CNTN5: variants seen among roughly 807,000 people sequenced by gnomAD.
CNTN5 encodes the protein contactin-5.
CNTN5 carries 77 observed loss-of-function variants against 129.1 expected under a neutral mutation model. The ratio of observed to expected loss-of-function variants is 0.60; its 90% CI spans 0.50 to 0.72. The LOEUF is 0.72. Among genes scored for constraint, CNTN5 ranks in the 30% least tolerant of loss-of-function variants. The probability of loss-of-function intolerance (pLI) is 0.00; values close to 1 mark genes in which losing one functional copy is unlikely to be tolerated. For synonymous variants in CNTN5, 509 were observed against 465.6 expected (o/e 1.09, Z -1.20); for missense variants, 1,478 against 1,328.8 (o/e 1.11, Z -1.75).
intron 3 of CNTN5, among the ~76,000 whole-genome samples, chr11:99,743,842 T>A (rs574591483): frequency 2.0e-5 from 3 of 152,200 alleles, no homozygotes; most frequent in East Asian, 3.8e-4. Flanking sequence ...AGTATTAAGG[T>A]CGTCCACTTC....
At chr11:99,731,615 T>C (rs1943538131) in intron 3 of CNTN5, among the ~76,000 whole-genome samples, 1 of 152,196 alleles carries the variant, frequency 6.6e-6, no homozygotes, top group Non-Finnish European at 1.5e-5. Context: ...TGAAGTTGTT[T>C]TTATTAAAAA....
At chr11:99,573,361 C>A (rs1949237612) in intron 3 of CNTN5, among the ~76,000 whole-genome samples, 1 of 151,828 alleles carries the variant, frequency 6.6e-6, no homozygotes, top group African/African-American at 2.4e-5. Flanking sequence ...ACGAGGTCAG[C>A]AGATCGAGAC....
At chr11:99,325,036 AG>A (rs1308352930) in intron 1 of CNTN5, among the ~76,000 whole-genome samples, 4 of 152,280 alleles carry the variant, frequency 2.6e-5, no homozygotes, top group African/African-American at 7.2e-5. Context: ...TATTAAGAAA[AG>A]CTTGGAATGG....
chr11:99,820,254 T>A (rs1037117268), intron 4 of CNTN5, among the ~76,000 whole-genome samples: 7 of 152,300 alleles, frequency 4.6e-5, no homozygotes, highest in Non-Finnish European at 8.8e-5. Flanking sequence ...TCTCGTAGAA[T>A]GAAAGTAAAA....
At chr11:100,324,847 A>T (rs186902489) in intron 21 of CNTN5, among the ~76,000 whole-genome samples, 15 of 152,282 alleles carry the variant, frequency 9.9e-5, no homozygotes, top group Admixed American at 3.3e-4. Context: ...TGCCTCATAA[A>T]TATTCAAAAG....
At chr11:99,857,667 C>G (rs563083326) in intron 6 of CNTN5, among the ~76,000 whole-genome samples, 29 of 152,080 alleles carry the variant, frequency 1.9e-4, no homozygotes, top group African/African-American at 6.5e-4. Context: ...TTGGTAATAT[C>G]TTACATATCA....
At chr11:100,162,193 T>G (rs1427287444) in intron 13 of CNTN5, among the ~76,000 whole-genome samples, 1 of 151,846 alleles carries the variant, frequency 6.6e-6, no homozygotes, top group Non-Finnish European at 1.5e-5. Flanking sequence ...AAGGTTGTCA[T>G]GAGCATTAAA....
chr11:99,034,748 G>T (rs1486232878), intron 1 of CNTN5, among the ~76,000 whole-genome samples: 5 of 151,846 alleles, frequency 3.3e-5, no homozygotes, highest in African/African-American at 1.2e-4. Context: ...TTTTTGAAGG[G>T]TTTTTTGCAT....
chr11:99,678,001 CTTTA>C (rs980677745), intron 3 of CNTN5, among the ~76,000 whole-genome samples: 4 of 152,054 alleles, frequency 2.6e-5, no homozygotes, highest in African/African-American at 9.7e-5. Flanking sequence ...TACTGAAGCA[CTTTA>C]TTTCTGCTTC....
Position 99,051,847 on chromosome 11 carries a change from T to C in CNTN5, c.-210+30577T>C, listed in dbSNP as rs541875111. Among the ~76,000 whole-genome samples the C allele has an allele frequency of 2.0e-5, 3 of 151,992 alleles. No homozygotes were observed. In the South Asian group the frequency reaches 6.2e-4, roughly 31 times the overall value. ...GAAGTGTTTATTCTTTCAGAACTCG[T>C]AGTGGACAGGCAAGCCATGATAGAA... On this transcript the variant is annotated intron_variant, in intron 1 of 24. Coordinates refer to ENST00000524871, the MANE Select transcript of CNTN5 (RefSeq NM_014361.4).
intron 3 of CNTN5, among the ~76,000 whole-genome samples, chr11:99,649,332 A>G (rs927020562): frequency 2.6e-5 from 4 of 151,816 alleles, no homozygotes; most frequent in African/African-American, 9.7e-5. Flanking sequence ...ATCCTGATCA[A>G]AATGAGTCAG....
At chr11:99,517,713 T>C (rs1337646203) in intron 2 of CNTN5, among the ~76,000 whole-genome samples, 3 of 152,192 alleles carry the variant, frequency 2.0e-5, no homozygotes, top group Non-Finnish European at 2.9e-5. Context: ...TCATAAACCA[T>C]TTGCTCACCT....
intron 2 of CNTN5, among the ~76,000 whole-genome samples, chr11:99,430,162 A>C (rs1943302954): frequency 6.6e-6 from 1 of 152,062 alleles, no homozygotes; most frequent in South Asian, 2.1e-4. Context: ...ATGTTTTTTC[A>C]CTTGATACCA....
chr11:99,373,054 C>CA (rs1565529681), intron 2 of CNTN5, among the ~76,000 whole-genome samples: 1 of 141,016 alleles, frequency 7.1e-6, no homozygotes, highest in African/African-American at 2.5e-5. Flanking sequence ...ACTAAAACTA[C>CA]AAAAATTAGC....
intron 3 of CNTN5, among the ~76,000 whole-genome samples, chr11:99,631,901 C>T (rs970360088): frequency 2.0e-5 from 3 of 152,056 alleles, no homozygotes; most frequent in Admixed American, 2.0e-4. Flanking sequence ...AGAGACAGAC[C>T]ACATTCGTGT....
chr11:99,707,053 G>A (rs891006602), intron 3 of CNTN5, among the ~76,000 whole-genome samples: 7 of 151,340 alleles, frequency 4.6e-5, no homozygotes, highest in African/African-American at 1.7e-4. Context: ...CCATGTGGGT[G>A]AGATTAGTTT....
intron 15 of CNTN5, among the ~76,000 whole-genome samples, chr11:100,222,129 G>C (rs1221125596): frequency 6.6e-6 from 1 of 152,146 alleles, no homozygotes; most frequent in African/African-American, 2.4e-5. Context: ...TGTTTAGGAT[G>C]TTAAAAATAT....
intron 23 of CNTN5, among the ~76,000 whole-genome samples, chr11:100,344,507 G>A (rs1408457119): frequency 6.6e-6 from 1 of 152,002 alleles, no homozygotes; most frequent in Non-Finnish European, 1.5e-5. Flanking sequence ...GGAGAGTGAG[G>A]AACAAAGAGA....
chr11:99,823,433 C>G (rs954632354), intron 4 of CNTN5, among the ~76,000 whole-genome samples: 1 of 151,816 alleles, frequency 6.6e-6, no homozygotes, highest in Non-Finnish European at 1.5e-5. Context: ...ATGCATTCTT[C>G]TTTGTTCTCC....
Sources: allele counts gnomAD v4.1 joint callset (sites outside exome capture counted in the v4.1 genomes callset), GRCh38; gene constraint gnomAD v4.1.1; transcripts MANE v1.5; gene names NCBI Gene and HGNC (gene_info 2026-07-23, HGNC 2026-07-21).